SOCS7: variants seen among roughly 807,000 people sequenced by gnomAD.
SOCS7 encodes the protein suppressor of cytokine signaling 7, also known as NAP-4.
SOCS7 carries 18 observed loss-of-function variants against 58.9 expected under a neutral mutation model. The ratio of observed to expected loss-of-function variants is 0.31; its 90% CI spans 0.21 to 0.45. The LOEUF (loss-of-function observed/expected upper bound fraction) is 0.45, where lower values mean the gene tolerates loss of function less well. SOCS7 is among the 20% of genes least tolerant of loss of function. The pLI, the probability that SOCS7 is intolerant of heterozygous loss-of-function variation, is 1.00. For synonymous variants in SOCS7, 388 were observed against 364.3 expected, an observed-to-expected ratio of 1.06 and a Z score of -0.74; for missense variants, 667 against 837.3, an observed-to-expected ratio of 0.80 and a Z score of 2.51.
Position 38,364,871 on chromosome 17 carries a change from C to T in SOCS7, c.1150+15C>T, listed in dbSNP as rs1555568072. The T allele has an allele frequency of 6.3e-7, 1 of 1,592,928 alleles. No individual in the cohort carries two copies. Among genetic ancestry groups the T allele is most frequent in the Admixed American group, 1.7e-5 (1 of 59,562 alleles). On this transcript the variant is annotated intron_variant, in intron 3 of 9. Transcript: ENST00000612932. ...CAGCCTCCTAGGTATAGTTTCTTCCCCTCTCCACCTTCTTGCCTAGTGGGA... is the reference window on the plus strand; with the variant it reads ...CAGCCTCCTAGGTATAGTTTCTTCCTCTCTCCACCTTCTTGCCTAGTGGGA...
chr17:38,396,151 C>T (rs936533525), intron 9 of SOCS7, among the ~76,000 whole-genome samples, 153 bp downstream of exon 9: 3 of 152,168 alleles, frequency 2.0e-5, no homozygotes, highest in African/African-American at 7.2e-5. Context: ...CCGTGGAGTC[C>T]TCAAGGGGCA....
chr17:38,352,904 C>G lies in SOCS7; in HGVS notation c.852C>G (p.Thr284=). 6.2e-7 allele frequency: 1 copy of G among 1,605,154 alleles called. No individual in the cohort carries two copies. The highest frequency in any genetic ancestry group is 8.5e-7 in the Non-Finnish European group (1 of 1,176,912). ...TCCGCCTCAGTCGCCTCTTTCGCAC[C>G]AAGAGCTGCAACGGTGGCTCCGGCG... ...FKIRLSRLFR[T]KSCNGGSGGG... The change falls in exon 1 of 10, where the codon ACC becomes ACG. Residue 284 remains threonine, a synonymous_variant. Coordinates refer to ENST00000612932, the MANE Select transcript of SOCS7 (RefSeq NM_014598.4). The surrounding 1 kb of genome is among the most constrained non-coding windows in gnomAD (Gnocchi z 5.5).
chr17:38,378,527 A>G (rs532680046), intron 7 of SOCS7, among the ~76,000 whole-genome samples: 4 of 152,216 alleles, frequency 2.6e-5, no homozygotes, highest in Admixed American at 2.6e-4. Flanking sequence ...CAAAAAAGAA[A>G]AAGTAAGGGC....
intron 1 of SOCS7, among the ~76,000 whole-genome samples, chr17:38,357,983 A>G (rs2144314701): frequency 6.6e-6 from 1 of 152,322 alleles, no homozygotes; most frequent in East Asian, 1.9e-4. Flanking sequence ...TACAGTTAAT[A>G]ATTTGCAGGG....
chr17:38,352,365 C>A lies in SOCS7; in HGVS notation c.313C>A (p.Pro105Thr). The part of the protein sequence containing the change: ...HRCALDPKAL[P>T]PGLALERTWG... The stretch of plus-strand genomic sequence containing the variant: ...CTGTGCCCTGGACCCCAAGGCCCTG[C>A]CGCCGGGCTTGGCGCTCGAGCGGAC... The change falls in exon 1 of 10, where the codon CCG becomes ACG. Residue 105 changes from proline (P) to threonine (T), a missense_variant. Coordinates refer to ENST00000612932, the MANE Select transcript of SOCS7 (RefSeq NM_014598.4). The surrounding 1 kb of genome is among the most constrained non-coding windows in gnomAD (Gnocchi z 5.5). 6.9e-7 allele frequency: 1 copy of A among 1,448,008 alleles called. No homozygotes were observed. The highest frequency in any genetic ancestry group is 9.0e-7 in the Non-Finnish European group (1 of 1,111,980). 89.7% of individuals were successfully genotyped at this position (1,448,008 alleles called of 1,614,324 possible).
At chr17:38,370,749 C>T (rs2037852658) in intron 6 of SOCS7, among the ~76,000 whole-genome samples, 1 of 150,994 alleles carries the variant, frequency 6.6e-6, no homozygotes, top group Admixed American at 6.6e-5. Context: ...CTTCCAGGTT[C>T]GAGCTATTCT....
chr17:38,361,260 A>G (rs1198611900), intron 1 of SOCS7, among the ~76,000 whole-genome samples: 2 of 152,254 alleles, frequency 1.3e-5, no homozygotes, highest in Non-Finnish European at 2.9e-5. Context: ...CTCAGGTCAG[A>G]ATCTGTTCCT....
intron 7 of SOCS7, among the ~76,000 whole-genome samples, chr17:38,387,153 G>GTATGTATATATAT (rs2038086241): frequency 3.3e-5 from 3 of 92,290 alleles, no homozygotes; most frequent in African/African-American, 1.5e-4. Context: ...ATATATATAT[G>GTATGTATATATAT]ATTAATTCAG....
At chr17:38,385,947 G>A (rs555696955) in intron 7 of SOCS7, among the ~76,000 whole-genome samples, 21 of 152,084 alleles carry the variant, frequency 1.4e-4, no homozygotes, top group Admixed American at 6.5e-4. Context: ...TGGGAGGTGA[G>A]GCAGGAGGAT....
chr17:38,379,925 G>C (rs546428209), intron 7 of SOCS7, among the ~76,000 whole-genome samples: 7 of 152,150 alleles, frequency 4.6e-5, no homozygotes, highest in Non-Finnish European at 1.0e-4. Flanking sequence ...AGAAGTCATA[G>C]TCTAAAAGAA....
chr17:38,395,896 A>AG lies in SOCS7; in HGVS notation c.1867dup (p.Glu623GlyfsTer48). 6.2e-7 allele frequency: 1 copy of AG among 1,612,312 alleles called. No individual in the cohort carries two copies. Among genetic ancestry groups the AG allele is most frequent in the Non-Finnish European group, 8.5e-7 (1 of 1,179,518 alleles). ...AGTTCTACTACTATGATCCTCAGGAAGAGGTATACCTGTCTCTAAAGGAAG... is the reference window on the plus strand; with the variant it reads ...AGTTCTACTACTATGATCCTCAGGAAGGAGGTATACCTGTCTCTAAAGGAAG... On this transcript the variant is annotated frameshift_variant, in exon 9 of 10. Coordinates refer to ENST00000612932, the MANE Select transcript of SOCS7 (RefSeq NM_014598.4). LOFTEE classifies it high-confidence loss of function.
At chr17:38,377,954 T>C (rs2037952849) in intron 7 of SOCS7, 112 bp downstream of exon 7, 1 of 974,898 alleles carries the variant, frequency 1.0e-6, no homozygotes, top group African/African-American at 1.6e-5. Context: ...TCCCTGGCTG[T>C]TGGAGCCACC....
At chr17:38,378,468 C>A (rs2037959615) in intron 7 of SOCS7, among the ~76,000 whole-genome samples, 1 of 151,846 alleles carries the variant, frequency 6.6e-6, no homozygotes, top group African/African-American at 2.4e-5. Flanking sequence ...GAGCTGTGAT[C>A]ATGCCACTGC....
chr17:38,363,159 AG>A (rs2037742809), intron 2 of SOCS7, among the ~76,000 whole-genome samples: 1 of 151,890 alleles, frequency 6.6e-6, no homozygotes, highest in South Asian at 2.1e-4. Context: ...GGTTCAGGTC[AG>A]CCTCAGCCCT....
intron 6 of SOCS7, among the ~76,000 whole-genome samples, chr17:38,376,325 C>A (rs567445687): frequency 6.6e-6 from 1 of 152,088 alleles, no homozygotes; most frequent in Non-Finnish European, 1.5e-5. Flanking sequence ...TCACCTTACA[C>A]GCACATCTCT....
intron 6 of SOCS7, among the ~76,000 whole-genome samples, chr17:38,368,933 C>T (rs1163502644): frequency 6.6e-6 from 1 of 152,176 alleles, no homozygotes; most frequent in African/African-American, 2.4e-5. Flanking sequence ...TGCCATTCTC[C>T]TAGTGGTACC....
rs1943061714 is a variant in SOCS7, at chr17:38,352,125, C to T, written c.73C>T (p.Leu25Phe). ...TTCGTACCGCGTCCTGAGCCGCCTC[C>T]TTGGCTATGGAGAGGCGGCCCCCGA... ...AASYRVLSRLLGYGEAAPEPG... is the reference protein window; with the variant it reads ...AASYRVLSRLFGYGEAAPEPG... The change falls in exon 1 of 10, where the codon CTT (leucine) becomes TTT (phenylalanine). Residue 25 changes from leucine (L) to phenylalanine (F), a missense_variant. Around this residue, in one of 9 missense-constraint regions of SOCS7, gnomAD observed 65 missense variants for 51.0 expected, o/e 1.27. Transcript: ENST00000612932. This position sits in a 1 kb window ranked among gnomAD's most constrained non-coding sequence, Gnocchi z 5.5. The T allele has an allele frequency of 7.1e-6, 7 of 989,696 alleles. No individual in the cohort carries two copies. Among genetic ancestry groups the T allele is most frequent in the Non-Finnish European group, 9.1e-6 (7 of 772,244 alleles). The allele number at this position is 989,696 out of a possible 1,614,324, so 61.3% of individuals were successfully genotyped here.
At chr17:38,387,082 TAAAAAAAAAA>T (rs1214323571) in intron 7 of SOCS7, among the ~76,000 whole-genome samples, 1 of 48,666 alleles carries the variant, frequency 2.1e-5, no homozygotes, top group African/African-American at 1.4e-4. Context: ...ACTCTTATCT[TAAAAAAAAAA>T]AAAAAAAAAA....
At chr17:38,369,186 C>G (rs536212926) in intron 6 of SOCS7, among the ~76,000 whole-genome samples, 10 of 152,318 alleles carry the variant, frequency 6.6e-5, no homozygotes, top group African/African-American at 2.2e-4. Context: ...TCCCATCCCT[C>G]ACAGTCTTAC....
Sources: gnomAD v4.1 joint callset for allele counts (sites outside exome capture counted in the v4.1 genomes callset) on GRCh38, gnomAD v4.1.1 for gene constraint, gnomAD v4.1.1 regional missense constraint, Gnocchi (gnomAD v3.1) non-coding constraint, MANE v1.5 for transcripts, NCBI Gene and HGNC (gene_info 2026-07-23, HGNC 2026-07-21) for gene names.